The following ZNF93 variants were observed in gnomAD, a reference collection of about 807,000 sequenced individuals.
The protein encoded by ZNF93 is zinc finger protein 93, also known as zinc finger protein 505.
A neutral mutation model predicts 45.0 loss-of-function variants in ZNF93; 29 were observed. That is an observed-to-expected ratio of 0.64 (90% CI 0.48 to 0.88). ZNF93 has a LOEUF of 0.88. Ranked by LOEUF, ZNF93 falls within the 40% of genes least tolerant of loss-of-function variation. ZNF93 has a pLI of 0.00. For synonymous variants in ZNF93, 223 were observed against 244.6 expected (o/e 0.91, Z 0.82); for missense variants, 578 against 724.0 (o/e 0.80, Z 2.31).
intron 1 of ZNF93, among the ~76,000 whole-genome samples, chr19:19,901,656 C>T (rs1309461490): frequency 6.6e-6 from 1 of 151,982 alleles, no homozygotes; most frequent in African/African-American, 2.4e-5. Context: ...TCTTTTTCCC[C>T]ATTCTCCTTT....
At chr19:19,903,820 G>C (rs1039411196) in intron 1 of ZNF93, among the ~76,000 whole-genome samples, 4 of 151,018 alleles carry the variant, frequency 2.6e-5, no homozygotes, top group African/African-American at 9.7e-5. Context: ...CCTGTAATCC[G>C]AGCACTGTGG....
chr19:19,925,277 T>C (rs1417593040), intron 3 of ZNF93, among the ~76,000 whole-genome samples: 1 of 152,180 alleles, frequency 6.6e-6, no homozygotes, highest in Non-Finnish European at 1.5e-5. Context: ...CAAATTTCTG[T>C]TAGAGGCACT....
chr19:19,920,778 A>T (rs1232755309), intron 3 of ZNF93, among the ~76,000 whole-genome samples: 1 of 152,042 alleles, frequency 6.6e-6, no homozygotes, highest in African/African-American at 2.4e-5. Flanking sequence ...TTTCTGTGGG[A>T]TGGGTGGTGA....
intron 3 of ZNF93, among the ~76,000 whole-genome samples, chr19:19,920,162 G>C (rs981422530): frequency 1.3e-5 from 2 of 152,096 alleles, no homozygotes; most frequent in African/African-American, 2.4e-5. Context: ...TAGCATGAAG[G>C]GCTGTTGAAT....
chr19:19,921,509 G>A (rs1433608273), intron 3 of ZNF93, among the ~76,000 whole-genome samples: 1 of 152,120 alleles, frequency 6.6e-6, no homozygotes, highest in Non-Finnish European at 1.5e-5. Context: ...TTAACTTTTT[G>A]TCTCATTGAT....
In ZNF93 at chr19:19,901,018, T is replaced by G; in HGVS notation, c.-71T>G. ...GTCCTGTGCTCCTACAGGCCCAGCC[T>G]CTGTGGCCCTGTGACCTGCAGGTAT... On this transcript the variant is annotated 5_prime_UTR_variant, in exon 1 of 4. Coordinates refer to ENST00000343769, the MANE Select transcript of ZNF93 (RefSeq NM_031218.4). 6.3e-7 allele frequency: 1 copy of G among 1,598,326 alleles called. No individual in the cohort carries two copies. Among genetic ancestry groups the G allele is most frequent in the South Asian group, 1.1e-5 (1 of 90,818 alleles).
intron 3 of ZNF93, among the ~76,000 whole-genome samples, chr19:19,917,420 AT>A (rs10714916): frequency 0.15 from 23,343 of 151,418 alleles, 2,066 homozygotes; most frequent in East Asian, 0.41. Flanking sequence ...CTCTTAGTTA[AT>A]TTTTTTCCCA....
At chr19:19,922,789 C>G (rs574859684) in intron 3 of ZNF93, among the ~76,000 whole-genome samples, 1 of 152,346 alleles carries the variant, frequency 6.6e-6, no homozygotes, top group South Asian at 2.1e-4. Flanking sequence ...TCAGCTCCAT[C>G]AGGTCCTTTA....
chr19:19,908,150 A>G (rs990867934), intron 1 of ZNF93: 1 of 152,212 alleles, frequency 6.6e-6, no homozygotes, highest in African/African-American at 2.4e-5. Flanking sequence ...CGCTGCTATT[A>G]CAGGACAAAT....
chr19:19,923,605 C>G (rs2063347883), intron 3 of ZNF93, among the ~76,000 whole-genome samples: 1 of 152,198 alleles, frequency 6.6e-6, no homozygotes, highest in Admixed American at 6.5e-5. Context: ...CCTACTCAAG[C>G]CTCAGCAATG....
At chr19:19,928,616 C>T (rs953081604) in intron 3 of ZNF93, among the ~76,000 whole-genome samples, 3 of 152,156 alleles carry the variant, frequency 2.0e-5, no homozygotes, top group African/African-American at 7.2e-5. Context: ...CCTCAACCTC[C>T]TGGGCTCAAG....
rs2063390105 is a variant in ZNF93 at position 19,935,473 on chromosome 19, C to G, written c.*655C>G. ...GCTCCATCAAATTCAGACACCAGTA[C>G]AAAACTATATTATGCCCATTGTCTG... On this transcript the variant is annotated 3_prime_UTR_variant, in exon 4 of 4. Coordinates refer to ENST00000343769, the MANE Select transcript of ZNF93 (RefSeq NM_031218.4). The G allele has an allele frequency of 6.6e-6, 1 of 152,302 alleles. No homozygotes were observed. Among genetic ancestry groups the G allele is most frequent in the South Asian group, 2.1e-4 (1 of 4,814 alleles). The allele number at this position is 152,302 out of a possible 1,614,324, so 9.4% of individuals were successfully genotyped here. A position where few individuals can be genotyped will look rare whatever the true frequency, so the allele number is the denominator to read the frequency against.
In ZNF93 at chr19:19,900,989, C is replaced by G. The variant is rs1269281631; in HGVS notation, c.-100C>G. The G allele has an allele frequency of 6.4e-7, 1 of 1,561,152 alleles. No homozygotes were observed. The highest frequency in any genetic ancestry group is 8.8e-7 in the Non-Finnish European group (1 of 1,133,628). Reference sequence around the variant, plus strand: ...AGCTCCAGGTCTCCTCTTCACTACTCTGTGTCCTGTGCTCCTACAGGCCCA... The same window carrying G: ...AGCTCCAGGTCTCCTCTTCACTACTGTGTGTCCTGTGCTCCTACAGGCCCA... On this transcript the variant is annotated 5_prime_UTR_variant, in exon 1 of 4. Coordinates refer to ENST00000343769, the MANE Select transcript of ZNF93 (RefSeq NM_031218.4).
rs547402795 is a variant in ZNF93 at position 19,900,974 on chromosome 19, C to G, written c.-115C>G. 1 of 1,523,868 alleles carries G rather than the reference C, an allele frequency of 6.6e-7. No homozygotes were observed. The highest frequency in any genetic ancestry group is 9.1e-7 in the Non-Finnish European group (1 of 1,104,596). 94.4% of individuals were successfully genotyped at this position (1,523,868 alleles called of 1,614,324 possible). A position where few individuals can be genotyped will look rare whatever the true frequency, so the allele number is the denominator to read the frequency against. ...TCTCGGTGCAGCCGGAGCTCCAGGT[C>G]TCCTCTTCACTACTCTGTGTCCTGT... On this transcript the variant is annotated 5_prime_UTR_variant, in exon 1 of 4. Transcript: ENST00000343769.
Position 19,934,876 on chromosome 19 carries a change from G to GAGT in ZNF93, c.*59_*61dup. On this transcript the variant is annotated 3_prime_UTR_variant, in exon 4 of 4. Coordinates refer to ENST00000343769, the MANE Select transcript of ZNF93 (RefSeq NM_031218.4). ...GTCCTCACACCTTACTATACACTGA[G>GAGT]AGTTCTGAACTTACTCTGTAACCAT... The GAGT allele has an allele frequency of 6.5e-7, 1 of 1,527,574 alleles. No homozygotes were observed. Among genetic ancestry groups the GAGT allele is most frequent in the Non-Finnish European group, 8.8e-7 (1 of 1,133,378 alleles). 94.6% of individuals were successfully genotyped at this position (1,527,574 alleles called of 1,614,324 possible).
intron 3 of ZNF93, among the ~76,000 whole-genome samples, chr19:19,921,479 TC>T (rs2063342375): frequency 1.3e-5 from 2 of 152,304 alleles, no homozygotes; most frequent in African/African-American, 4.8e-5. Flanking sequence ...AGAGCTGAGT[TC>T]AATTCCTGGA....
chr19:19,913,007 G>A (rs953643886), intron 1 of ZNF93, among the ~76,000 whole-genome samples: 1 of 152,150 alleles, frequency 6.6e-6, no homozygotes, highest in Non-Finnish European at 1.5e-5. Context: ...CTTTTAAATG[G>A]AATGGGCTGT....
chr19:19,932,191 A>T (rs1252368473), intron 3 of ZNF93: 2 of 163,016 alleles, frequency 1.2e-5, no homozygotes, highest in Non-Finnish European at 2.7e-5. Flanking sequence ...GGGAATCACT[A>T]GAACCCAGGA....
chr19:19,935,091 C>A lies in ZNF93; in HGVS notation c.*273C>A. On this transcript the variant is annotated 3_prime_UTR_variant, in exon 4 of 4. Transcript: ENST00000343769. The stretch of plus-strand genomic sequence containing the variant: ...AGGTCAGTTCTGCCTATATAGAAAC[C>A]CACACAGTTAACCTGAGGAAATGCT... The A allele has an allele frequency of 2.4e-6, 1 of 414,704 alleles. No individual in the cohort carries two copies. Among genetic ancestry groups the A allele is most frequent in the Non-Finnish European group, 4.3e-6 (1 of 233,836 alleles). 25.7% of individuals were successfully genotyped at this position (414,704 alleles called of 1,614,324 possible).
Sources: allele counts gnomAD v4.1 joint callset (sites outside exome capture counted in the v4.1 genomes callset), GRCh38; gene constraint gnomAD v4.1.1; transcripts MANE v1.5; gene names NCBI Gene and HGNC (gene_info 2026-07-23, HGNC 2026-07-21).